Variants in CELF2 observed in about 807,000 individuals in gnomAD.
CELF2 encodes CUG triplet repeat RNA-binding protein 2.
A neutral mutation model predicts 62.6 loss-of-function variants in CELF2; 8 were observed. That is an observed-to-expected ratio of 0.13 (90% CI 0.07 to 0.23). The LOEUF (loss-of-function observed/expected upper bound fraction) is 0.23, where lower values mean the gene tolerates loss of function less well. CELF2 is among the 10% of genes least tolerant of loss of function. The probability of loss-of-function intolerance (pLI) is 1.00; values close to 1 mark genes in which losing one functional copy is unlikely to be tolerated. For synonymous variants in CELF2, 258 were observed against 250.0 expected (o/e 1.03, Z -0.30); for missense variants, 333 against 671.0 (o/e 0.50, Z 5.56).
intron 1 of CELF2, among the ~76,000 whole-genome samples, chr10:10,847,220 G>A (rs1564710776): frequency 6.6e-6 from 1 of 151,616 alleles, no homozygotes; most frequent in Non-Finnish European, 1.5e-5. Context: ...ATATATATAT[G>A]CACACACATC....
chr10:11,106,421 G>A (rs943342475), intron 1 of CELF2, among the ~76,000 whole-genome samples: 1 of 152,076 alleles, frequency 6.6e-6, no homozygotes, highest in Admixed American at 6.5e-5. Context: ...ATTTTTAGTA[G>A]AGACAAGGTT....
intron 1 of CELF2, among the ~76,000 whole-genome samples, chr10:10,850,039 T>A (rs1460966086): frequency 1.3e-5 from 2 of 151,794 alleles, no homozygotes; most frequent in African/African-American, 4.8e-5. Context: ...TCCCAGCTAC[T>A]TGGGAGGCTG....
intron 1 of CELF2, chr10:10,919,901 A>G: frequency 9.5e-7 from 1 of 1,057,284 alleles, no homozygotes; most frequent in Non-Finnish European, 1.2e-6. Flanking sequence ...GTGATTAAAT[A>G]CATTTTCATA....
chr10:10,818,352 A>G (rs1045419865), intron 1 of CELF2, among the ~76,000 whole-genome samples: 9 of 152,238 alleles, frequency 5.9e-5, no homozygotes, highest in Admixed American at 1.3e-4. Flanking sequence ...CTGTCTAGCC[A>G]CTGAAGTAGT....
At chr10:10,968,232 T>C (rs1314068762) in intron 2 of CELF2, among the ~76,000 whole-genome samples, 1 of 152,162 alleles carries the variant, frequency 6.6e-6, no homozygotes, top group Non-Finnish European at 1.5e-5. Flanking sequence ...TTTTTGTTCA[T>C]GATTGCCAAA....
At chr10:10,514,505 G>A in the CELF2 span, among the ~76,000 whole-genome samples, 3 of 152,318 alleles carry the variant, frequency 2.0e-5, no homozygotes, top group South Asian at 2.1e-4. Flanking sequence ...AACAGCAAGC[G>A]CAAAGCAGCA....
At chr10:11,138,157 A>ATATAGTTTCC in intron 1 of CELF2, among the ~76,000 whole-genome samples, 2 of 152,256 alleles carry the variant, frequency 1.3e-5, no homozygotes, top group Non-Finnish European at 2.9e-5. Flanking sequence ...CTATATGGAA[A>ATATAGTTTCC]CAGAATATAG....
chr10:10,644,402 CGTGTGTGTGTGT>C, the CELF2 span, among the ~76,000 whole-genome samples: 1 of 149,854 alleles, frequency 6.7e-6, no homozygotes, highest in Admixed American at 6.7e-5. Context: ...AGTGTGTGTT[CGTGTGTGTGTGT>C]GTGTGTGTGT....
intron 2 of CELF2, among the ~76,000 whole-genome samples, chr10:10,971,501 A>G (rs150663026): frequency 1.0e-3 from 154 of 152,298 alleles, no homozygotes; most frequent in African/African-American, 3.4e-3. Flanking sequence ...TTACCAGCCT[A>G]TGTGCCTGTC....
intron 1 of CELF2, among the ~76,000 whole-genome samples, chr10:11,022,244 C>G (rs757905126): frequency 2.6e-5 from 4 of 152,176 alleles, no homozygotes; most frequent in Non-Finnish European, 1.5e-5. Context: ...GTTAACAGCA[C>G]ATGTTATCAG....
At chr10:10,669,454 G>A in the CELF2 span, among the ~76,000 whole-genome samples, 1 of 152,224 alleles carries the variant, frequency 6.6e-6, no homozygotes, top group Non-Finnish European at 1.5e-5. Context: ...CAGAACGTCA[G>A]CTGCTTGGTT....
At chr10:11,054,821 G>A (rs1594179326) in intron 1 of CELF2, among the ~76,000 whole-genome samples, 1 of 152,064 alleles carries the variant, frequency 6.6e-6, no homozygotes, top group African/African-American at 2.4e-5. Context: ...TTCAAGTGAT[G>A]CTCCTGCCTC....
chr10:10,623,502 A>C, the CELF2 span, among the ~76,000 whole-genome samples: 1 of 152,158 alleles, frequency 6.6e-6, no homozygotes, highest in African/African-American at 2.4e-5. Context: ...GGCAGAGTGG[A>C]CTGTCACTCT....
intron 1 of CELF2, among the ~76,000 whole-genome samples, chr10:11,028,488 C>T (rs1166944660): frequency 7.3e-5 from 11 of 150,364 alleles, no homozygotes; most frequent in Admixed American, 4.6e-4. Context: ...GGCGCGATCC[C>T]GGCTCACTGC....
chr10:10,644,429 T>TGTG, the CELF2 span, among the ~76,000 whole-genome samples: 1 of 126,798 alleles, frequency 7.9e-6, no homozygotes. Flanking sequence ...GTGTGTGTGT[T>TGTG]TGCACTTCAG....
At chr10:10,815,845 C>G (rs1171489734) in intron 1 of CELF2, among the ~76,000 whole-genome samples, 2 of 151,674 alleles carry the variant, frequency 1.3e-5, no homozygotes, top group Non-Finnish European at 2.9e-5. Flanking sequence ...ACTTCAAACA[C>G]CATAGAGAAA....
At position 11,280,614 on chromosome 10, in the gene CELF2, T is replaced by C. The variant is rs1228140216; in HGVS notation, c.841+5494T>C. Among the ~76,000 whole-genome samples, 2 of 152,156 alleles carry C rather than the reference T, an allele frequency of 1.3e-5. No individual in the cohort carries two copies. Among genetic ancestry groups the C allele is most frequent in the African/African-American group, 2.4e-5 (1 of 41,440 alleles). ...TCCCCACGCTCTTCTCGCCCCGGGTTATTACTGTGGTGTGACAGAGCATGA... is the reference window on the plus strand; with the variant it reads ...TCCCCACGCTCTTCTCGCCCCGGGTCATTACTGTGGTGTGACAGAGCATGA... On this transcript the variant is annotated intron_variant, in intron 8 of 12. Coordinates refer to ENST00000633077, the MANE Select transcript of CELF2 (RefSeq NM_001326342.2). This position sits in a 1 kb window ranked among gnomAD's most constrained non-coding sequence, Gnocchi z 7.6.
the CELF2 span, among the ~76,000 whole-genome samples, chr10:10,632,441 GCA>G: frequency 1.3e-4 from 19 of 149,230 alleles, no homozygotes; most frequent in South Asian, 2.1e-4. Flanking sequence ...ACAGACACAC[GCA>G]CACACACACA....
chr10:10,463,569 GA>G, the CELF2 span, among the ~76,000 whole-genome samples: 2 of 151,902 alleles, frequency 1.3e-5, no homozygotes, highest in Non-Finnish European at 2.9e-5. Context: ...TTATAAAGAA[GA>G]AAAAAACATA....
Sources: allele counts gnomAD v4.1 joint callset (sites outside exome capture counted in the v4.1 genomes callset), GRCh38; gene constraint gnomAD v4.1.1; non-coding constraint Gnocchi (gnomAD v3.1); transcripts MANE v1.5; gene names NCBI Gene and HGNC (gene_info 2026-07-23, HGNC 2026-07-21).